Variants in METTL25 observed in about 807,000 individuals in gnomAD.
The protein encoded by METTL25 is probable methyltransferase-like protein 25.
In METTL25, 64 loss-of-function variants were observed where a neutral mutation model predicts 71.6. That is an observed-to-expected ratio of 0.89 (90% CI 0.73 to 1.10). The LOEUF is 1.10. Among genes scored for constraint, METTL25 ranks in the 50% least tolerant of loss-of-function variants. The probability of loss-of-function intolerance (pLI) is 0.00; values close to 1 mark genes in which losing one functional copy is unlikely to be tolerated. For missense variants in METTL25, 807 were observed against 707.0 expected (o/e 1.14, Z -1.60); for synonymous variants, 287 against 250.3 (o/e 1.15, Z -1.38).
intron 1 of METTL25, among the ~76,000 whole-genome samples, chr12:82,362,662 T>G (rs1399769161): frequency 1.3e-5 from 2 of 152,172 alleles, no homozygotes; most frequent in Non-Finnish European, 2.9e-5. Context: ...TTTGAGAATT[T>G]TGTGTGGTGA....
At chr12:82,370,054 C>T (rs926899412) in intron 1 of METTL25, among the ~76,000 whole-genome samples, 1 of 152,148 alleles carries the variant, frequency 6.6e-6, no homozygotes, top group South Asian at 2.1e-4. Flanking sequence ...TCAATCCCCC[C>T]TCTAAACAGG....
chr12:82,469,866 T>G (rs1454849235), intron 9 of METTL25, among the ~76,000 whole-genome samples: 1 of 152,182 alleles, frequency 6.6e-6, no homozygotes, highest in African/African-American at 2.4e-5. Flanking sequence ...TCATCTAACA[T>G]TTCAAGATGT....
At chr12:82,442,023 GTGTCATACAGACCA>G (rs1460216165) in intron 8 of METTL25, among the ~76,000 whole-genome samples, 6 of 152,048 alleles carry the variant, frequency 3.9e-5, no homozygotes, top group Non-Finnish European at 8.8e-5. Flanking sequence ...CACTACCACA[GTGTCATACAGACCA>G]TGTGAGAGGC....
Position 82,440,097 on chromosome 12 carries a change from A to G in METTL25, c.1478+1306A>G, listed in dbSNP as rs569222536. ...TAAAATCTCTTCCTCATTATCTTCC[A>G]TTATTCTGTATTCTCTGAGTTTCAT... On this transcript the variant is annotated intron_variant, in intron 8 of 11. Coordinates refer to ENST00000248306, the MANE Select transcript of METTL25 (RefSeq NM_032230.3). Among the ~76,000 whole-genome samples, 43 of 151,920 alleles carry G rather than the reference A, an allele frequency of 2.8e-4. 1 individual carries two copies. The South Asian group carries it at 5.8e-3, about 21-fold the overall frequency.
intron 3 of METTL25, among the ~76,000 whole-genome samples, chr12:82,392,809 G>A (rs1248968838): frequency 6.6e-6 from 1 of 151,948 alleles, no homozygotes; most frequent in African/African-American, 2.4e-5. Flanking sequence ...TTTGATTTTT[G>A]TATATGGTGA....
At chr12:82,444,653 G>A (rs12426232) in intron 8 of METTL25, among the ~76,000 whole-genome samples, 1 of 152,086 alleles carries the variant, frequency 6.6e-6, no homozygotes, top group South Asian at 2.1e-4. Context: ...AAAATGTGGG[G>A]GTGATGGAGT....
At chr12:82,420,755 T>C (rs73153509) in intron 5 of METTL25, among the ~76,000 whole-genome samples, 53 of 152,122 alleles carry the variant, frequency 3.5e-4, no homozygotes, top group African/African-American at 1.2e-3. Context: ...ATTTTGTCAA[T>C]TGTACTAAGG....
At chr12:82,444,582 A>G (rs1890607447) in intron 8 of METTL25, among the ~76,000 whole-genome samples, 1 of 151,806 alleles carries the variant, frequency 6.6e-6, no homozygotes, top group Non-Finnish European at 1.5e-5. Flanking sequence ...TATATCAAAA[A>G]TAATAATCAT....
chr12:82,368,751 C>G (rs1303017625), intron 1 of METTL25, among the ~76,000 whole-genome samples: 1 of 152,158 alleles, frequency 6.6e-6, no homozygotes, highest in Non-Finnish European at 1.5e-5. Context: ...TTAGTCCCTG[C>G]TATTAACACC....
rs917303224 is a variant in METTL25 at position 82,457,892 on chromosome 12, T to TA, written c.1572+1080dup. ...TTCTGGATTATTTTCTAGGTTATTT[T>TA]AAAAAAAATGTTTTTCATTCACCTG... On this transcript the variant is annotated intron_variant, in intron 9 of 11. Transcript: ENST00000248306. Among the ~76,000 whole-genome samples the TA allele has an allele frequency of 8.6e-5, 13 of 151,860 alleles. No individual in the cohort carries two copies. The South Asian group carries it at 1.2e-3, about 15-fold the overall frequency.
At chr12:82,430,725 A>G (rs1889412794) in intron 5 of METTL25, among the ~76,000 whole-genome samples, 168 bp from the exon 6 acceptor site, 1 of 151,770 alleles carries the variant, frequency 6.6e-6, no homozygotes, top group African/African-American at 2.4e-5. Flanking sequence ...TAACATTTGT[A>G]TGCTTTCAAT....
Position 82,433,092 on chromosome 12 carries a change from G to A in METTL25, c.1375-1603G>A, listed in dbSNP as rs1489418182. Among the ~76,000 whole-genome samples, 3 of 151,534 alleles carry A rather than the reference G, an allele frequency of 2.0e-5. No individual in the cohort carries two copies. In the East Asian group the frequency reaches 5.8e-4, roughly 30 times the overall value. ...TTGTTCAAGAATAGTATTAATGTTT[G>A]CAAAACACTTTGTAACCACCTACCT... On this transcript the variant is annotated intron_variant, in intron 6 of 11. Coordinates refer to ENST00000248306, the MANE Select transcript of METTL25 (RefSeq NM_032230.3).
intron 1 of METTL25, among the ~76,000 whole-genome samples, chr12:82,360,998 G>T (rs1341629862): frequency 6.6e-6 from 1 of 152,158 alleles, no homozygotes; most frequent in Admixed American, 6.5e-5. Flanking sequence ...GAGAGCAGCA[G>T]CAAGATTTAT....
intron 1 of METTL25, among the ~76,000 whole-genome samples, chr12:82,372,940 G>A (rs545561562): frequency 3.6e-4 from 55 of 152,240 alleles, no homozygotes; most frequent in Non-Finnish European, 7.1e-4. Context: ...ACTCACCGAC[G>A]CAGCAGCAGA....
At position 82,441,031 on chromosome 12, in the gene METTL25, A is replaced by G. The variant is rs1890281772; in HGVS notation, c.1478+2240A>G. On this transcript the variant is annotated intron_variant, in intron 8 of 11. Transcript: ENST00000248306. Reference sequence around the variant, plus strand: ...ATAGAAAGACAGTTCTAGTGAAACAAAAGTTCGAGTTCATGGTCTGGTGAG... The same window carrying G: ...ATAGAAAGACAGTTCTAGTGAAACAGAAGTTCGAGTTCATGGTCTGGTGAG... 2.6e-5 allele frequency among the ~76,000 whole-genome samples: 4 copies of G among 152,046 alleles called. No homozygotes were observed. The South Asian group carries it at 8.3e-4, about 32-fold the overall frequency.
At chr12:82,463,758 C>CT (rs1380605983) in intron 9 of METTL25, among the ~76,000 whole-genome samples, 2 of 151,712 alleles carry the variant, frequency 1.3e-5, no homozygotes, top group East Asian at 3.9e-4. Context: ...TATTTTTTAT[C>CT]TTTTTTCATA....
chr12:82,468,935 T>C (rs1892408483), intron 9 of METTL25: 1 of 152,220 alleles, frequency 6.6e-6, no homozygotes, highest in Non-Finnish European at 1.5e-5. Context: ...TTATTTCACC[T>C]TCTCCAACTC....
At chr12:82,452,733 G>C (rs778723361) in intron 8 of METTL25, among the ~76,000 whole-genome samples, 7 of 151,948 alleles carry the variant, frequency 4.6e-5, no homozygotes, top group African/African-American at 1.5e-4. Context: ...ACTTTCAAAG[G>C]TTCTAAAGTC....
rs1392910797 is a variant in METTL25 at position 82,399,069 on chromosome 12, A to G, written c.806A>G (p.Gln269Arg). The change falls in exon 4 of 12, where the codon CAA becomes CGA. Residue 269 changes from glutamine to arginine, a missense_variant. Physicochemically the swap from Gln to Arg is conservative, Grantham distance 43. Transcript: ENST00000248306. Reference sequence around the variant, plus strand: ...GTGTTTAACAACAGTCCTACAAATCAAGAAAAGATGCCTACCTCAGCTATT... The same window carrying G: ...GTGTTTAACAACAGTCCTACAAATCGAGAAAAGATGCCTACCTCAGCTATT... ...EEVFNNSPTNQEKMPTSAILP... is the reference protein window; with the variant it reads ...EEVFNNSPTNREKMPTSAILP... The G allele has an allele frequency of 1.5e-5, 24 of 1,613,274 alleles. No individual in the cohort carries two copies. The highest frequency in any genetic ancestry group is 2.0e-5 in the Non-Finnish European group (24 of 1,179,510).
Sources: gnomAD v4.1 joint callset for allele counts (sites outside exome capture counted in the v4.1 genomes callset) on GRCh38, gnomAD v4.1.1 for gene constraint, MANE v1.5 for transcripts, NCBI Gene and HGNC (gene_info 2026-07-23, HGNC 2026-07-21) for gene names.